Variants in RANBP2 observed in about 807,000 individuals in gnomAD.
The protein encoded by RANBP2 is E3 SUMO-protein ligase RanBP2.
Under a neutral mutation model 303.6 loss-of-function variants are expected in RANBP2, and 57 were observed. That is an observed-to-expected ratio of 0.19 (90% confidence interval 0.15 to 0.23). RANBP2 has a LOEUF of 0.23. Among genes scored for constraint, RANBP2 ranks in the 10% least tolerant of loss-of-function variants. The pLI, the probability that RANBP2 is intolerant of heterozygous loss-of-function variation, is 1.00. For synonymous variants in RANBP2, 1,167 were observed against 1,301.5 expected, an observed-to-expected ratio of 0.90 and a Z score of 2.23; for missense variants, 3,138 against 3,780.8, an observed-to-expected ratio of 0.83 and a Z score of 4.46.
At chr2:109,655,985 C>A in the RANBP2 span, among the ~76,000 whole-genome samples, 1 of 152,304 alleles carries the variant, frequency 6.6e-6, no homozygotes. Context: ...CCCTTCTAGA[C>A]CTGTCAGTTT....
the RANBP2 span, among the ~76,000 whole-genome samples, chr2:109,255,460 G>C: frequency 6.6e-6 from 1 of 152,198 alleles, no homozygotes; most frequent in Non-Finnish European, 1.5e-5. Flanking sequence ...TTCAGGGTTG[G>C]ACTGGGGTTC....
In RANBP2 at chr2:108,763,889, C is replaced by T. The variant is rs137976808; in HGVS notation, c.3350C>T (p.Ser1117Leu). Residue 1117 changes from serine (S) to leucine (L), a missense_variant, in exon 20 of 29, where the codon TCG becomes TTG. Ser to Leu is a moderately radical substitution (Grantham distance 145, BLOSUM62 -2). This residue lies in a region of RANBP2 where 403 missense variants were observed against 376.7 expected (regional missense o/e 1.07). Transcript: ENST00000283195. ...ATTTCATTTACAGAAAACATGGGGT[C>T]GAGTCAGCAAAAGAATTCTGGTTTT... ...SGISFTENMG[S>L]SQQKNSGFRR... 5.9e-4 allele frequency: 958 copies of T among 1,613,788 alleles called. 3 individuals carry two copies. Among genetic ancestry groups the T allele is most frequent in the South Asian group, 1.2e-3 (107 of 91,060 alleles).
At chr2:109,012,999 C>G in the RANBP2 span, among the ~76,000 whole-genome samples, 1 of 152,224 alleles carries the variant, frequency 6.6e-6, no homozygotes, top group East Asian at 1.9e-4. Context: ...CCTGCCAGGA[C>G]TCTTTAAAGG....
At chr2:109,668,999 A>G in the RANBP2 span, among the ~76,000 whole-genome samples, 124 of 152,332 alleles carry the variant, frequency 8.1e-4, no homozygotes, top group Non-Finnish European at 1.6e-3. Context: ...CTGCATGACC[A>G]TGTCCTGAAA....
At chr2:109,296,919 G>C in the RANBP2 span, among the ~76,000 whole-genome samples, 3 of 152,114 alleles carry the variant, frequency 2.0e-5, no homozygotes, top group African/African-American at 7.2e-5. Flanking sequence ...GTGTGGATTG[G>C]GCTGCAGTGT....
chr2:109,279,050 G>A, the RANBP2 span, among the ~76,000 whole-genome samples: 7 of 152,164 alleles, frequency 4.6e-5, no homozygotes, highest in Non-Finnish European at 7.3e-5. Flanking sequence ...GGGTGATGGG[G>A]GAGCATGAAA....
the RANBP2 span, among the ~76,000 whole-genome samples, chr2:109,653,740 A>T: frequency 6.6e-6 from 1 of 152,114 alleles, no homozygotes; most frequent in African/African-American, 2.4e-5. Context: ...TCCTTCCTTG[A>T]CAATATGCCA....
At chr2:109,218,746 A>C in the RANBP2 span, among the ~76,000 whole-genome samples, 1 of 152,218 alleles carries the variant, frequency 6.6e-6, no homozygotes, top group Non-Finnish European at 1.5e-5. Flanking sequence ...AGTGAAAACA[A>C]AAATAGCCAC....
At chr2:108,932,979 C>A in the RANBP2 span, among the ~76,000 whole-genome samples, 1 of 152,190 alleles carries the variant, frequency 6.6e-6, no homozygotes, top group African/African-American at 2.4e-5. Context: ...CATGCCCTCG[C>A]TCCCGTAGGA....
the RANBP2 span, among the ~76,000 whole-genome samples, chr2:109,046,558 C>A: frequency 4.4e-4 from 67 of 151,832 alleles, no homozygotes; most frequent in African/African-American, 1.5e-3. Flanking sequence ...AGGTGCCCGC[C>A]ACCACACCCG....
chr2:108,750,209 A>G (rs1359885784), intron 9 of RANBP2, among the ~76,000 whole-genome samples: 3 of 152,270 alleles, frequency 2.0e-5, no homozygotes, highest in East Asian at 3.8e-4. Flanking sequence ...TTTCATCTAA[A>G]TGGTTGTTTA....
chr2:109,559,466 C>A, the RANBP2 span, among the ~76,000 whole-genome samples: 93 of 152,338 alleles, frequency 6.1e-4, no homozygotes, highest in Non-Finnish European at 5.0e-4. Context: ...CTGACCTAAG[C>A]TGAAGAATCT....
chr2:109,051,494 G>A, the RANBP2 span, among the ~76,000 whole-genome samples: 4 of 152,290 alleles, frequency 2.6e-5, no homozygotes, highest in Admixed American at 6.5e-5. Context: ...GTATAGAGTC[G>A]TCCGCAATGT....
the RANBP2 span, among the ~76,000 whole-genome samples, chr2:109,451,068 A>T: frequency 6.6e-6 from 1 of 152,166 alleles, no homozygotes; most frequent in Non-Finnish European, 1.5e-5. Flanking sequence ...CATGGGCCAC[A>T]CCAGGTTCCG....
intron 18 of RANBP2, among the ~76,000 whole-genome samples, chr2:108,760,287 T>G (rs1053235611): frequency 1.3e-5 from 2 of 152,228 alleles, no homozygotes; most frequent in Non-Finnish European, 2.9e-5. Context: ...TATAGTATTT[T>G]TTATGAGATT....
the RANBP2 span, among the ~76,000 whole-genome samples, chr2:109,089,613 G>T: frequency 1.3e-5 from 2 of 152,012 alleles, no homozygotes; most frequent in Admixed American, 6.6e-5. Context: ...CTCTAAAAGA[G>T]AAACAGAACA....
At chr2:109,129,919 G>A in the RANBP2 span, 3 of 1,499,832 alleles carry the variant, frequency 2.0e-6, no homozygotes, top group South Asian at 2.5e-5. Flanking sequence ...GCGGCCCCGC[G>A]CGGGCACCAG....
chr2:109,462,340 C>T, the RANBP2 span, among the ~76,000 whole-genome samples: 18 of 151,758 alleles, frequency 1.2e-4, no homozygotes, highest in Admixed American at 1.1e-3. Context: ...AAGCATTTGC[C>T]GAATTAATCA....
chr2:109,057,922 A>T, the RANBP2 span, among the ~76,000 whole-genome samples: 7,401 of 152,302 alleles, frequency 0.049, 240 homozygotes, highest in Middle Eastern at 0.13. Flanking sequence ...GATGATAACG[A>T]TCAGCTCAGT....
Sources: allele counts gnomAD v4.1 joint callset (sites outside exome capture counted in the v4.1 genomes callset), GRCh38; gene constraint gnomAD v4.1.1; regional missense constraint gnomAD v4.1.1; transcripts MANE v1.5; gene names NCBI Gene and HGNC (gene_info 2026-07-23, HGNC 2026-07-21).